The following ABCA10 variants were observed in gnomAD, a reference collection of about 807,000 sequenced individuals.
ABCA10 encodes the protein ATP-binding cassette sub-family A member 10.
Under a neutral mutation model 187.5 loss-of-function variants are expected in ABCA10, and 169 were observed. The ratio of observed to expected loss-of-function variants is 0.90; its 90% CI spans 0.80 to 1.02. The LOEUF (loss-of-function observed/expected upper bound fraction) is 1.02. Among genes scored for constraint, ABCA10 ranks in the 50% least tolerant of loss-of-function variants. The pLI, the probability that ABCA10 is intolerant of heterozygous loss-of-function variation, is 0.00. For synonymous variants in ABCA10, 574 were observed against 601.8 expected (o/e 0.95, Z 0.68); for missense variants, 1,727 against 1,812.4 (o/e 0.95, Z 0.86).
chr17:69,237,265 T>G (rs377269169), intron 1 of ABCA10, among the ~76,000 whole-genome samples: 1 of 152,228 alleles, frequency 6.6e-6, no homozygotes, highest in Non-Finnish European at 1.5e-5. Context: ...ATGTATACTT[T>G]TGTACATTCC....
chr17:69,153,373 C>G lies in ABCA10; in HGVS notation c.4068G>C (p.Gly1356=). 6.2e-7 allele frequency: 1 copy of G among 1,613,652 alleles called. No individual in the cohort carries two copies. The highest frequency in any genetic ancestry group is 8.5e-7 in the Non-Finnish European group (1 of 1,179,758). ...CATCTAGAAGCACCACTGATGGGTT[C>G]CCCAGGATGCTCAGCACAAAGCACA... The part of the protein sequence containing the change: ...RKLCFVLSIL[G]NPSVVLLDEP... The change falls in exon 34 of 39, where the codon GGG becomes GGC. Residue 1356 remains glycine (G), a synonymous_variant. Transcript: ENST00000690296.
At chr17:69,157,954 A>G (rs1186042555) in intron 27 of ABCA10, among the ~76,000 whole-genome samples, 1 of 152,018 alleles carries the variant, frequency 6.6e-6, no homozygotes, top group Non-Finnish European at 1.5e-5. Flanking sequence ...AATAAAATTT[A>G]TTAATTTTTA....
chr17:69,224,718 A>T (rs6501292), intron 3 of ABCA10, among the ~76,000 whole-genome samples: 115,874 of 150,412 alleles, frequency 0.77, 45,230 homozygotes, highest in African/African-American at 0.86. Context: ...CACTACTCTA[A>T]GATCAAGGGC....
Position 69,193,816 on chromosome 17 carries a change from C to G in ABCA10, c.1519G>C (p.Glu507Gln). The G allele has an allele frequency of 6.2e-7, 1 of 1,613,116 alleles. No homozygotes were observed. The highest frequency in any genetic ancestry group is 8.5e-7 in the Non-Finnish European group (1 of 1,179,636). Reference protein sequence around the residue: ...KGIQPKEVEQEVKRIIMELDM... With the variant: ...KGIQPKEVEQQVKRIIMELDM... ...TCAATCTTAATGTGTTCCTGTACCT[C>G]TTGTTCCACTTCCTTTGGCTGAATC... Residue 507 changes from glutamate (E) to glutamine (Q), a missense_variant and splice_region_variant, in exon 13 of 39, where the codon GAG becomes CAG. Physicochemically the swap from Glu to Gln is conservative, Grantham distance 29. Transcript: ENST00000690296.
intron 9 of ABCA10, among the ~76,000 whole-genome samples, chr17:69,203,087 T>C (rs1334022971): frequency 1.3e-5 from 2 of 152,122 alleles, no homozygotes; most frequent in African/African-American, 2.4e-5. Context: ...GTTGATGACA[T>C]GTAGAAAAAT....
chr17:69,219,831 T>A, intron 5 of ABCA10, 60 bp from the exon 6 acceptor site: 2 of 1,163,596 alleles, frequency 1.7e-6, no homozygotes, highest in Non-Finnish European at 1.2e-6. Flanking sequence ...ATTAGAAAAC[T>A]ATACACTTTT....
intron 9 of ABCA10, among the ~76,000 whole-genome samples, chr17:69,209,855 G>C (rs1386131091): frequency 6.6e-6 from 1 of 152,140 alleles, no homozygotes; most frequent in Non-Finnish European, 1.5e-5. Flanking sequence ...GTAGGAAATT[G>C]TAAGACAATG....
chr17:69,216,101 TATAGAAAATAGG>T, intron 7 of ABCA10, 101 bp from the exon 8 acceptor site: 1 of 1,550,090 alleles, frequency 6.5e-7, no homozygotes. Context: ...TCTCAAAACA[TATAGAAAATAGG>T]ATAGAAAATA....
Position 69,201,499 on chromosome 17 carries a change from C to T in ABCA10, c.1175+1G>A. On this transcript the variant is annotated splice_donor_variant, in intron 10 of 38. Transcript: ENST00000690296. LOFTEE classifies it high-confidence loss of function. ...ACATAGTCATGTAATTTCTTAGTTACCTTATGGCTTCTTTTCCATGGAATT... is the reference window on the plus strand; with the variant it reads ...ACATAGTCATGTAATTTCTTAGTTATCTTATGGCTTCTTTTCCATGGAATT... The T allele has an allele frequency of 6.3e-7, 1 of 1,576,202 alleles. No homozygotes were observed. The highest frequency in any genetic ancestry group is 1.2e-5 in the South Asian group (1 of 83,080).
chr17:69,160,273 C>T (rs1331046600), intron 27 of ABCA10, among the ~76,000 whole-genome samples: 2 of 152,086 alleles, frequency 1.3e-5, no homozygotes, highest in Non-Finnish European at 2.9e-5. Flanking sequence ...AAAACTCCTA[C>T]AACTCAATAA....
chr17:69,182,862 A>G (rs1239119968), intron 20 of ABCA10, 54 bp from the exon 21 acceptor site: 1 of 1,533,284 alleles, frequency 6.5e-7, no homozygotes, highest in East Asian at 2.3e-5. Flanking sequence ...CAAGAAAATC[A>G]AAGTCAAAGC....
intron 9 of ABCA10, among the ~76,000 whole-genome samples, chr17:69,212,537 G>A (rs1178931674): frequency 6.6e-6 from 1 of 152,168 alleles, no homozygotes; most frequent in Non-Finnish European, 1.5e-5. Flanking sequence ...TTGATGACCT[G>A]TTCAGTGCTG....
upstream of ABCA10, among the ~76,000 whole-genome samples, chr17:69,229,823 C>T (rs918249850): frequency 3.9e-5 from 6 of 152,008 alleles, no homozygotes; most frequent in East Asian, 3.9e-4. Context: ...AACCTGGTTC[C>T]GATCCCAGAC....
intron 4 of ABCA10, among the ~76,000 whole-genome samples, chr17:69,222,170 C>A (rs1414976253): frequency 2.0e-5 from 3 of 151,972 alleles, no homozygotes; most frequent in African/African-American, 7.2e-5. Flanking sequence ...GCCTGACCAA[C>A]ATGGTGAAAC....
In ABCA10 at chr17:69,174,309, T is replaced by C. The variant is rs771142412; in HGVS notation, c.3134A>G (p.Asn1045Ser). The change falls in exon 25 of 39, where the codon AAT (asparagine) becomes AGT (serine). Residue 1045 changes from asparagine to serine, a missense_variant. Coordinates refer to ENST00000690296, the MANE Select transcript of ABCA10 (RefSeq NM_001377321.1). ...AAAAAAGCCAAAAGACCAAAAGCCA[T>C]TATTTTTTCTCCACTTGCGAAAGAT... The part of the protein sequence containing the change: ...SFIFRKWRKN[N>S]GFWSFGFFII... 1 of 1,607,636 alleles carries C rather than the reference T, an allele frequency of 6.2e-7. No homozygotes were observed. The highest frequency in any genetic ancestry group is 8.5e-7 in the Non-Finnish European group (1 of 1,177,836).
intron 9 of ABCA10, among the ~76,000 whole-genome samples, chr17:69,210,335 G>A (rs1206286063): frequency 8.7e-5 from 13 of 149,190 alleles, no homozygotes; most frequent in East Asian, 5.9e-4. Flanking sequence ...GACTACAGGC[G>A]CCCGCCACCG....
chr17:69,234,645 ATTG>A, intron 1 of ABCA10: 1 of 152,088 alleles, frequency 6.6e-6, no homozygotes, highest in Admixed American at 6.6e-5. Flanking sequence ...GTGCAGAATT[ATTG>A]TTGTTATGGG....
intron 27 of ABCA10, among the ~76,000 whole-genome samples, chr17:69,162,838 C>CATATACATATACAT (rs375141032): frequency 0.014 from 1,649 of 120,758 alleles, 45 homozygotes; most frequent in African/African-American, 0.058. Context: ...TATACATATA[C>CATATACATATACAT]ATATATATAT....
chr17:69,152,185 T>C lies in ABCA10; in HGVS notation c.4257-2A>G. The C allele has an allele frequency of 1.2e-6, 2 of 1,603,820 alleles. No individual in the cohort carries two copies. The highest frequency in any genetic ancestry group is 1.7e-6 in the Non-Finnish European group (2 of 1,177,538). ...AGATGTTGAATGGAACCAATACACC[T>C]AGTTCAGGGGAAATAAAGAAAAAAT... On this transcript the variant is annotated splice_acceptor_variant, in intron 35 of 38. Coordinates refer to ENST00000690296, the MANE Select transcript of ABCA10 (RefSeq NM_001377321.1). LOFTEE classifies it high-confidence loss of function.
Sources: allele counts gnomAD v4.1 joint callset (sites outside exome capture counted in the v4.1 genomes callset), GRCh38; gene constraint gnomAD v4.1.1; transcripts MANE v1.5; gene names NCBI Gene and HGNC (gene_info 2026-07-23, HGNC 2026-07-21).